Variants in DSCAM observed in about 807,000 individuals in gnomAD.
DSCAM encodes DS cell adhesion molecule, also known as cell adhesion molecule DSCAM.
In DSCAM, 47 loss-of-function variants were observed where a neutral mutation model predicts 217.7. The ratio of observed to expected loss-of-function variants is 0.22; its 90% confidence interval spans 0.17 to 0.28. DSCAM has a LOEUF of 0.28. DSCAM is among the 10% of genes least tolerant of loss of function. The pLI is 1.00. For synonymous variants in DSCAM, 1,056 were observed against 1,015.3 expected, an observed-to-expected ratio of 1.04 and a Z score of -0.76; for missense variants, 2,080 against 2,618.3, an observed-to-expected ratio of 0.79 and a Z score of 4.49.
chr21:40,112,522 C>A (rs937919650), intron 20 of DSCAM, among the ~76,000 whole-genome samples: 3 of 151,962 alleles, frequency 2.0e-5, no homozygotes, highest in African/African-American at 4.8e-5. Context: ...GAAGCAAGAG[C>A]AAACACATTC....
At chr21:40,078,100 G>A (rs1373222365) in intron 26 of DSCAM, among the ~76,000 whole-genome samples, 1 of 152,216 alleles carries the variant, frequency 6.6e-6, no homozygotes, top group Non-Finnish European at 1.5e-5. Flanking sequence ...GTTAACTAAT[G>A]TCAAGAGACA....
At chr21:40,247,867 C>T (rs139942648) in intron 11 of DSCAM, among the ~76,000 whole-genome samples, 1 of 152,218 alleles carries the variant, frequency 6.6e-6, no homozygotes, top group South Asian at 2.1e-4. Context: ...GAGGACCATG[C>T]CCCTGCAGCG....
intron 11 of DSCAM, among the ~76,000 whole-genome samples, chr21:40,257,759 C>A (rs748089713): frequency 6.6e-6 from 1 of 152,096 alleles, no homozygotes; most frequent in African/African-American, 2.4e-5. Flanking sequence ...TTTTAATGCT[C>A]ATGCACTTAC....
intron 3 of DSCAM, among the ~76,000 whole-genome samples, chr21:40,661,484 A>G (rs918222963): frequency 6.6e-6 from 1 of 152,212 alleles, no homozygotes; most frequent in Non-Finnish European, 1.5e-5. Flanking sequence ...TCTGCTCTGT[A>G]CCAGGCACAA....
chr21:40,064,283 C>T (rs989973153), intron 27 of DSCAM, among the ~76,000 whole-genome samples: 1 of 151,982 alleles, frequency 6.6e-6, no homozygotes, highest in African/African-American at 2.4e-5. Flanking sequence ...AAGGGGGAAA[C>T]AAATTCAAGG....
intron 1 of DSCAM, among the ~76,000 whole-genome samples, chr21:40,710,567 C>T (rs1467366916): frequency 1.3e-5 from 2 of 152,088 alleles, no homozygotes; most frequent in Non-Finnish European, 2.9e-5. Context: ...TGTTTTTCTG[C>T]TCTTTTCATT....
At chr21:40,516,760 C>A (rs2074456325) in intron 3 of DSCAM, among the ~76,000 whole-genome samples, 1 of 151,958 alleles carries the variant, frequency 6.6e-6, no homozygotes, top group African/African-American at 2.4e-5. Flanking sequence ...TGCAGTGCCC[C>A]AGTGTGGGAG....
intron 23 of DSCAM, 62 bp downstream of exon 23, chr21:40,085,540 C>A (rs1430589430): frequency 3.2e-5 from 44 of 1,365,596 alleles, no homozygotes; most frequent in Non-Finnish European, 4.2e-5. Flanking sequence ...TTCAGTGCTA[C>A]TTTTTGCATA....
intron 3 of DSCAM, among the ~76,000 whole-genome samples, chr21:40,660,678 G>GCTAT (rs1479606524): frequency 7.2e-5 from 11 of 152,236 alleles, no homozygotes; most frequent in Admixed American, 5.2e-4. Context: ...CTTTTAGATA[G>GCTAT]CTATCTAAAA....
chr21:40,812,235 T>G (rs1485118817), intron 1 of DSCAM, among the ~76,000 whole-genome samples: 1 of 152,200 alleles, frequency 6.6e-6, no homozygotes, highest in Non-Finnish European at 1.5e-5. Flanking sequence ...CCATCTGACC[T>G]CATAAACTGC....
At chr21:40,260,016 C>T (rs926839465) in intron 11 of DSCAM, among the ~76,000 whole-genome samples, 3 of 151,978 alleles carry the variant, frequency 2.0e-5, no homozygotes, top group East Asian at 2.0e-4. Flanking sequence ...CGTGAGCCAC[C>T]GCGCCCAGCC....
At chr21:40,192,132 C>A (rs1164348813) in intron 11 of DSCAM, among the ~76,000 whole-genome samples, 1 of 152,090 alleles carries the variant, frequency 6.6e-6, no homozygotes, top group Non-Finnish European at 1.5e-5. Context: ...ATCACTGAAT[C>A]AAATCTTAAA....
Position 40,179,062 on chromosome 21 carries a change from C to T in DSCAM, c.2812G>A (p.Val938Ile), listed in dbSNP as rs1335175213. 1 of 1,613,618 alleles carries T rather than the reference C, an allele frequency of 6.2e-7. No individual in the cohort carries two copies. The highest frequency in any genetic ancestry group is 1.3e-5 in the African/African-American group (1 of 74,894). ...SWDSAQRTKD[V>I]SPQLNSATII... ...GTGGCCGAGTTCAGCTGAGGGGAAA[C>T]ATCTTTGGTTCTCTGAGCAGAATCC... The change falls in exon 15 of 33, where the codon GTT becomes ATT. Residue 938 changes from valine (V) to isoleucine (I), a missense_variant. Physicochemically the swap from Val to Ile is conservative, Grantham distance 29 (BLOSUM62 3). Around this residue, in one of 5 missense-constraint regions of DSCAM, gnomAD observed 1,144 missense variants for 1,421.1 expected, o/e 0.81. Coordinates refer to ENST00000400454, the MANE Select transcript of DSCAM (RefSeq NM_001389.5).
At chr21:40,649,011 G>C (rs1412640963) in intron 3 of DSCAM, among the ~76,000 whole-genome samples, 2 of 152,166 alleles carry the variant, frequency 1.3e-5, no homozygotes, top group East Asian at 3.8e-4. Context: ...CCAGGCAGGG[G>C]GATATCGCCA....
chr21:40,093,607 GATATTC>G, intron 21 of DSCAM, 108 bp downstream of exon 21: 1 of 1,273,932 alleles, frequency 7.8e-7, no homozygotes, highest in Non-Finnish European at 1.1e-6. Flanking sequence ...GCTAAAATGT[GATATTC>G]TGGTTTATTT....
intron 3 of DSCAM, among the ~76,000 whole-genome samples, chr21:40,684,942 G>T (rs1238543322): frequency 6.6e-6 from 1 of 152,196 alleles, no homozygotes; most frequent in Non-Finnish European, 1.5e-5. Context: ...ATCACGGGGA[G>T]AGAGAGAAAG....
At chr21:40,488,712 A>G (rs1178856965) in intron 3 of DSCAM, among the ~76,000 whole-genome samples, 1 of 152,194 alleles carries the variant, frequency 6.6e-6, no homozygotes, top group Non-Finnish European at 1.5e-5. Context: ...GTGAAAAGAA[A>G]AAGCTTTATT....
At chr21:40,197,304 G>A (rs958539744) in intron 11 of DSCAM, among the ~76,000 whole-genome samples, 1 of 152,060 alleles carries the variant, frequency 6.6e-6, no homozygotes, top group Non-Finnish European at 1.5e-5. Flanking sequence ...ATTTTTAGTA[G>A]AGAGAGGGTT....
Position 40,710,738 on chromosome 21 carries a change from G to T in DSCAM, c.44-1967C>A, listed in dbSNP as rs558365273. Among the ~76,000 whole-genome samples the T allele has an allele frequency of 4.6e-5, 7 of 152,292 alleles. 1 individual carries two copies. In the South Asian group the frequency reaches 1.5e-3, roughly 32 times the overall value. On this transcript the variant is annotated intron_variant, in intron 1 of 32. Transcript: ENST00000400454. ...TCCAGAATTTACAAGTTAAATAAAA[G>T]ATTTATAAATATAATGAAGGCCTAC...
Sources: gnomAD v4.1 joint callset for allele counts (sites outside exome capture counted in the v4.1 genomes callset) on GRCh38, gnomAD v4.1.1 for gene constraint, gnomAD v4.1.1 regional missense constraint, MANE v1.5 for transcripts, NCBI Gene and HGNC (gene_info 2026-07-23, HGNC 2026-07-21) for gene names.